ASB1: variants seen among roughly 807,000 people sequenced by gnomAD.
ASB1 encodes the protein ankyrin repeat and SOCS box protein 1.
A neutral mutation model predicts 27.7 loss-of-function variants in ASB1; 18 were observed. The observed-to-expected ratio is 0.65, with a 90% CI of 0.45 to 0.96. ASB1 has a LOEUF of 0.96. Ranked by LOEUF, ASB1 falls within the 50% of genes least tolerant of loss-of-function variation. The pLI, the probability that ASB1 is intolerant of heterozygous loss-of-function variation, is 0.00. For synonymous variants in ASB1, 189 were observed against 187.6 expected (o/e 1.01, Z -0.06); for missense variants, 397 against 451.7 (o/e 0.88, Z 1.10).
intron 1 of ASB1, among the ~76,000 whole-genome samples, chr2:238,432,877 G>C (rs1701897541): frequency 6.6e-6 from 1 of 152,092 alleles, no homozygotes; most frequent in South Asian, 2.1e-4. Context: ...CTCCTGAGTA[G>C]CTGGGACTAC....
intron 3 of ASB1, among the ~76,000 whole-genome samples, chr2:238,443,056 C>T (rs548605147): frequency 2.2e-4 from 34 of 152,078 alleles, no homozygotes; most frequent in Admixed American, 2.0e-4. Context: ...AATGTAGCTC[C>T]GGGGATGCTA....
At chr2:238,436,981 A>G (rs897746777) in intron 3 of ASB1, among the ~76,000 whole-genome samples, 4 of 152,198 alleles carry the variant, frequency 2.6e-5, no homozygotes, top group African/African-American at 9.7e-5. Flanking sequence ...GTTTTATTTA[A>G]GGCCCATTTA....
rs1450466946 is a variant in ASB1, at chr2:238,450,037, T to C, written c.*3526T>C. 2 of 152,314 alleles carry C rather than the reference T, an allele frequency of 1.3e-5. No homozygotes were observed. Among genetic ancestry groups the C allele is most frequent in the Admixed American group, 1.3e-4 (2 of 15,282 alleles). The allele number at this position is 152,314 out of a possible 1,614,324, so 9.4% of individuals were successfully genotyped here. A position where few individuals can be genotyped will look rare whatever the true frequency, so the allele number is the denominator to read the frequency against. On this transcript the variant is annotated 3_prime_UTR_variant, in exon 5 of 5. Coordinates refer to ENST00000264607, the MANE Select transcript of ASB1 (RefSeq NM_001040445.3). ...CTGCTGTGCCTTTCTGGCAGGGTTT[T>C]GTGGGGTCACATGGGAAGCAATGTG... is the stretch of plus-strand genomic sequence containing the variant.
chr2:238,427,646 G>A (rs1574998998), intron 1 of ASB1: 1 of 152,864 alleles, frequency 6.5e-6, no homozygotes, highest in African/African-American at 2.4e-5. Flanking sequence ...ATGTCCAGGG[G>A]CCTTTGGCCC....
chr2:238,430,840 A>G (rs1701857476), intron 1 of ASB1, among the ~76,000 whole-genome samples: 1 of 150,786 alleles, frequency 6.6e-6, no homozygotes, highest in African/African-American at 2.5e-5. Flanking sequence ...AGCGAGCAGT[A>G]GTATTTTGAA....
intron 1 of ASB1, among the ~76,000 whole-genome samples, chr2:238,427,975 G>C (rs1701794404): frequency 6.6e-6 from 1 of 152,182 alleles, no homozygotes; most frequent in Non-Finnish European, 1.5e-5. Context: ...GTGCAGATAG[G>C]CTTTTCCATC....
At chr2:238,433,994 TG>T (rs1014063262) in intron 2 of ASB1, among the ~76,000 whole-genome samples, 4 of 152,200 alleles carry the variant, frequency 2.6e-5, no homozygotes, top group African/African-American at 9.6e-5. Context: ...AAGGTACCAC[TG>T]TTTCCCTCTT....
intron 3 of ASB1, among the ~76,000 whole-genome samples, chr2:238,441,467 C>A (rs1193348107): frequency 6.6e-6 from 1 of 152,156 alleles, no homozygotes; most frequent in Non-Finnish European, 1.5e-5. Context: ...TAGCTTGTAT[C>A]CTTGTCTCCT....
chr2:238,427,148 G>A (rs1559410811), intron 1 of ASB1, 29 bp downstream of exon 1: 2 of 1,232,074 alleles, frequency 1.6e-6, no homozygotes, highest in Admixed American at 4.3e-5. Flanking sequence ...CTGGGCCGCG[G>A]GGCGTGTGGG....
In ASB1 at chr2:238,435,763, T is replaced by C. The variant is rs756936465; in HGVS notation, c.244T>C (p.Leu82=). 24 of 1,613,984 alleles carry C rather than the reference T, an allele frequency of 1.5e-5. No homozygotes were observed. In the South Asian group the frequency reaches 2.5e-4, roughly 17 times the overall value. Residue 82 remains leucine (L), a synonymous_variant, in exon 3 of 5, where the codon TTG becomes CTG. Transcript: ENST00000264607. ...WCCGWLPCTP[L]RIAATAGHGS... ...CTGTGGCTGGCTCCCCTGCACACCG[T>C]TGCGAATCGCGGCCACTGCAGGCCA... is the stretch of plus-strand genomic sequence containing the variant.
chr2:238,448,406 G>T lies in ASB1; in HGVS notation c.*1895G>T, dbSNP rs991511526. The T allele has an allele frequency of 1.3e-5, 2 of 152,312 alleles. No homozygotes were observed. The highest frequency in any genetic ancestry group is 4.8e-5 in the African/African-American group (2 of 41,444). The allele number at this position is 152,312 out of a possible 1,614,324, so 9.4% of individuals were successfully genotyped here. A position where few individuals can be genotyped will look rare whatever the true frequency, so the allele number is the denominator to read the frequency against. On this transcript the variant is annotated 3_prime_UTR_variant, in exon 5 of 5. Transcript: ENST00000264607. ...TCGTAGGCAGTGGCTCATCACCCTG[G>T]TAGGGCTGATAGGGGCTTTCAGGGA...
At chr2:238,430,738 ATTGG>A (rs1701855157) in intron 1 of ASB1, among the ~76,000 whole-genome samples, 1 of 152,216 alleles carries the variant, frequency 6.6e-6, no homozygotes, top group Admixed American at 6.5e-5. Flanking sequence ...TCCTTGATCC[ATTGG>A]CTGCGGAATG....
Position 238,446,779 on chromosome 2 carries a change from G to A in ASB1, c.*268G>A. On this transcript the variant is annotated 3_prime_UTR_variant, in exon 5 of 5. Transcript: ENST00000264607. ...GTTGCATATTAATGTAACGGGCCAT[G>A]GGGTATGTACATGTAGGGGCTGAGG... 1 of 436,566 alleles carries A rather than the reference G, an allele frequency of 2.3e-6. No homozygotes were observed. Among genetic ancestry groups the A allele is most frequent in the Non-Finnish European group, 4.2e-6 (1 of 238,174 alleles). The allele number at this position is 436,566 out of a possible 1,614,324, so 27.0% of individuals were successfully genotyped here.
Position 238,449,498 on chromosome 2 carries a change from G to C in ASB1, c.*2987G>C, listed in dbSNP as rs907812232. The C allele has an allele frequency of 2.0e-5, 3 of 152,774 alleles. No individual in the cohort carries two copies. Among genetic ancestry groups the C allele is most frequent in the Admixed American group, 2.0e-4 (3 of 15,294 alleles). The allele number at this position is 152,774 out of a possible 1,614,324, so 9.5% of individuals were successfully genotyped here. A position where few individuals can be genotyped will look rare whatever the true frequency, so the allele number is the denominator to read the frequency against. ...TCCTGGGCCCTGGGCCTTGGCTGCT[G>C]TCAACAGATGGGCTGGGCTGGGCTG... is the stretch of plus-strand genomic sequence containing the variant. On this transcript the variant is annotated 3_prime_UTR_variant, in exon 5 of 5. Transcript: ENST00000264607.
At chr2:238,430,085 C>T (rs756204688) in intron 1 of ASB1, among the ~76,000 whole-genome samples, 11 of 152,172 alleles carry the variant, frequency 7.2e-5, no homozygotes, top group Non-Finnish European at 1.6e-4. Flanking sequence ...GGGTCTTGCT[C>T]CAGTATTGAT....
intron 3 of ASB1, among the ~76,000 whole-genome samples, chr2:238,437,975 CTT>C (rs964603144): frequency 3.3e-5 from 5 of 152,082 alleles, no homozygotes; most frequent in African/African-American, 1.2e-4. Context: ...CTTTTTCCCT[CTT>C]TTTAAGGATT....
chr2:238,433,703 G>A lies in ASB1; in HGVS notation c.191+8G>A. On this transcript the variant is annotated splice_region_variant and intron_variant, in intron 2 of 4. Coordinates refer to ENST00000264607, the MANE Select transcript of ASB1 (RefSeq NM_001040445.3). ...AGAGGAGAGCTACCGGAGGTGAGCG[G>A]CGCTGCCCAGGGCTGGTCCGGGTAC... 8 of 1,613,702 alleles carry A rather than the reference G, an allele frequency of 5.0e-6. No homozygotes were observed. Among genetic ancestry groups the A allele is most frequent in the Non-Finnish European group, 6.8e-6 (8 of 1,179,848 alleles).
chr2:238,433,623 G>T lies in ASB1; in HGVS notation c.119G>T (p.Arg40Met). 1 of 1,614,158 alleles carries T rather than the reference G, an allele frequency of 6.2e-7. No individual in the cohort carries two copies. The highest frequency in any genetic ancestry group is 8.5e-7 in the Non-Finnish European group (1 of 1,180,014). ...CCGCTGGAGCACTGTGAGGACACGAGGCTCCATGATGCAGCTTACGTCGGG... is the reference window on the plus strand; with the variant it reads ...CCGCTGGAGCACTGTGAGGACACGATGCTCCATGATGCAGCTTACGTCGGG... ...DHPLEHCEDT[R>M]LHDAAYVGDL... is the part of the protein sequence containing the mutation. Residue 40 changes from arginine to methionine, a missense_variant, in exon 2 of 5, where the codon AGG (arginine) becomes ATG (methionine). Coordinates refer to ENST00000264607, the MANE Select transcript of ASB1 (RefSeq NM_001040445.3).
rs1702282374 is a variant in ASB1, at chr2:238,451,398, T to C, written c.*4887T>C. On this transcript the variant is annotated 3_prime_UTR_variant, in exon 5 of 5. Coordinates refer to ENST00000264607, the MANE Select transcript of ASB1 (RefSeq NM_001040445.3). ...GTGCATAAATCCAGTTTGAGAATGG[T>C]GTTTATGAAGAAGCTGTTTCGTGTG... 5.9e-5 allele frequency: 9 copies of C among 152,220 alleles called. No homozygotes were observed. 9.4% of individuals were successfully genotyped at this position (152,220 alleles called of 1,614,324 possible).
Sources: gnomAD v4.1 joint callset for allele counts (sites outside exome capture counted in the v4.1 genomes callset) on GRCh38, gnomAD v4.1.1 for gene constraint, MANE v1.5 for transcripts, NCBI Gene and HGNC (gene_info 2026-07-23, HGNC 2026-07-21) for gene names.